The following TGFB2 variants were observed in gnomAD, a reference collection of about 807,000 sequenced individuals.
TGFB2 encodes the protein transforming growth factor beta-2 proprotein.
TGFB2 carries 13 observed loss-of-function variants against 42.7 expected under a neutral mutation model. The ratio of observed to expected loss-of-function variants is 0.30; its 90% CI spans 0.20 to 0.48. The LOEUF (loss-of-function observed/expected upper bound fraction) is 0.48, where lower values mean the gene tolerates loss of function less well. Among genes scored for constraint, TGFB2 ranks in the 20% least tolerant of loss-of-function variants. The pLI is 0.99. For missense variants in TGFB2, 390 were observed against 517.5 expected, an observed-to-expected ratio of 0.75 and a Z score of 2.39; for synonymous variants, 193 against 193.6, an observed-to-expected ratio of 1.00 and a Z score of 0.03.
chr1:218,399,718 G>A (rs1315239579), intron 1 of TGFB2, among the ~76,000 whole-genome samples: 3 of 152,100 alleles, frequency 2.0e-5, no homozygotes, highest in Non-Finnish European at 4.4e-5. Context: ...ATAGCGTCAT[G>A]TATAAACTGC....
chr1:218,419,696 G>A (rs765453009), intron 2 of TGFB2, among the ~76,000 whole-genome samples: 3 of 152,000 alleles, frequency 2.0e-5, no homozygotes, highest in African/African-American at 4.8e-5. Flanking sequence ...TCATTTATTC[G>A]GATTTGGAAA....
intron 1 of TGFB2, among the ~76,000 whole-genome samples, chr1:218,383,731 A>G (rs1658038966): frequency 6.6e-6 from 1 of 152,222 alleles, no homozygotes; most frequent in Non-Finnish European, 1.5e-5. Flanking sequence ...AGATTTGATT[A>G]TATATCCCAT....
chr1:218,438,569 T>C (rs566975756), intron 6 of TGFB2, among the ~76,000 whole-genome samples: 2 of 152,320 alleles, frequency 1.3e-5, no homozygotes, highest in African/African-American at 4.8e-5. Flanking sequence ...ACTTGAAAAT[T>C]CGTTTCTCTA....
At chr1:218,412,283 G>A (rs1212506317) in intron 2 of TGFB2, among the ~76,000 whole-genome samples, 1 of 152,226 alleles carries the variant, frequency 6.6e-6, no homozygotes, top group African/African-American at 2.4e-5. Flanking sequence ...TTGCCAGAAA[G>A]GGAGTTGTGA....
Position 218,443,152 on chromosome 1 carries a change from C to G in TGFB2, c.*1790C>G. On this transcript the variant is annotated 3_prime_UTR_variant, in exon 7 of 7. Coordinates refer to ENST00000366930, the MANE Select transcript of TGFB2 (RefSeq NM_003238.6). ...CAATTTTTCCTATGATCAAAAAATT[C>G]TTTCTTTCCTCTGAGTGAGAGTTAT... is the stretch of plus-strand genomic sequence containing the variant. The G allele has an allele frequency of 6.6e-6, 1 of 152,150 alleles. No individual in the cohort carries two copies. Among genetic ancestry groups the G allele is most frequent in the Non-Finnish European group, 1.5e-5 (1 of 68,002 alleles). The allele number at this position is 152,150 out of a possible 1,614,324, so 9.4% of individuals were successfully genotyped here.
At chr1:218,371,693 T>C (rs1657574928) in intron 1 of TGFB2, among the ~76,000 whole-genome samples, 1 of 152,216 alleles carries the variant, frequency 6.6e-6, no homozygotes, top group South Asian at 2.1e-4. Context: ...GGTCCTGATA[T>C]GTCTGGCAGT....
In TGFB2 at chr1:218,346,981, A is replaced by G; in HGVS notation, c.280A>G (p.Ser94Gly). 1 of 1,613,324 alleles carries G rather than the reference A, an allele frequency of 6.2e-7. No individual in the cohort carries two copies. The highest frequency in any genetic ancestry group is 8.5e-7 in the Non-Finnish European group (1 of 1,179,634). ...GGCGGCCGCCTGCGAGCGCGAGAGG[A>G]GCGACGAAGAGTACTACGCCAAGGA... ...RRAAACERER[S>G]DEEYYAKEVY... Residue 94 changes from serine (S) to glycine (G), a missense_variant, in exon 1 of 7, where the codon AGC becomes GGC. Transcript: ENST00000366930. This position sits in a 1 kb window ranked among gnomAD's most constrained non-coding sequence, Gnocchi z 4.9.
At position 218,441,370 on chromosome 1, in the gene TGFB2, G is replaced by T; in HGVS notation, c.*8G>T. 1 of 1,594,816 alleles carries T rather than the reference G, an allele frequency of 6.3e-7. No individual in the cohort carries two copies. The highest frequency in any genetic ancestry group is 8.5e-7 in the Non-Finnish European group (1 of 1,174,340). On this transcript the variant is annotated 3_prime_UTR_variant, in exon 7 of 7. Transcript: ENST00000366930. Reference sequence around the variant, plus strand: ...TCTTGCAAATGCAGCTAAAATTCTTGGAAAAGTGGCAAGACCAAAATGACA... The same window carrying T: ...TCTTGCAAATGCAGCTAAAATTCTTTGAAAAGTGGCAAGACCAAAATGACA...
intron 1 of TGFB2, among the ~76,000 whole-genome samples, chr1:218,358,548 C>CT (rs34141354): frequency 0.091 from 12,255 of 133,956 alleles, 1,751 homozygotes; most frequent in African/African-American, 0.28. Context: ...ATAGTGAACT[C>CT]TTTTTTTTTT....
At chr1:218,391,736 C>T (rs1164373768) in intron 1 of TGFB2, among the ~76,000 whole-genome samples, 2 of 152,088 alleles carry the variant, frequency 1.3e-5, no homozygotes, top group East Asian at 3.8e-4. Context: ...GTGGAAAAGA[C>T]CAAAGACTTG....
At chr1:218,402,497 C>A (rs1469501510) in intron 1 of TGFB2, among the ~76,000 whole-genome samples, 1 of 151,784 alleles carries the variant, frequency 6.6e-6, no homozygotes, top group South Asian at 2.1e-4. Context: ...TCTGAGGCAG[C>A]CATAAAAAGA....
intron 2 of TGFB2, among the ~76,000 whole-genome samples, chr1:218,418,501 G>C (rs1030336146): frequency 2.0e-5 from 3 of 152,178 alleles, no homozygotes; most frequent in African/African-American, 4.8e-5. Context: ...TCTCAGATGA[G>C]ACTTTGTACT....
chr1:218,377,164 G>A (rs1418573577), intron 1 of TGFB2, among the ~76,000 whole-genome samples: 1 of 152,194 alleles, frequency 6.6e-6, no homozygotes, highest in Non-Finnish European at 1.5e-5. Context: ...GGGATTACAG[G>A]CGTGAGCCAC....
chr1:218,440,475 G>A (rs1344366971), intron 6 of TGFB2, among the ~76,000 whole-genome samples: 2 of 151,940 alleles, frequency 1.3e-5, no homozygotes, highest in African/African-American at 2.4e-5. Flanking sequence ...TGTTGTCCAA[G>A]CTGGTCCTGA....
chr1:218,436,444 A>T (rs938983114), intron 5 of TGFB2, among the ~76,000 whole-genome samples: 1 of 152,198 alleles, frequency 6.6e-6, no homozygotes, highest in Non-Finnish European at 1.5e-5. Flanking sequence ...CAGAACAAAT[A>T]AAAGCTTATT....
intron 2 of TGFB2, among the ~76,000 whole-genome samples, chr1:218,417,621 G>A (rs997648094): frequency 6.6e-6 from 1 of 152,220 alleles, no homozygotes; most frequent in Non-Finnish European, 1.5e-5. Context: ...AAGACAATGG[G>A]AAAAATGTCT....
At position 218,434,067 on chromosome 1, in the gene TGFB2, C is replaced by G; in HGVS notation, c.511-15C>G. ...TGCCAACTCAGCCTTTTCTCTTGCT[C>G]TTTTTCCCCTCCAGATTCTCAAGTC... is the stretch of plus-strand genomic sequence containing the variant. On this transcript the variant is annotated splice_polypyrimidine_tract_variant and intron_variant, in intron 2 of 6. Transcript: ENST00000366930. The G allele has an allele frequency of 6.2e-7, 1 of 1,612,584 alleles. No homozygotes were observed. Among genetic ancestry groups the G allele is most frequent in the South Asian group, 1.1e-5 (1 of 90,990 alleles).
intron 2 of TGFB2, among the ~76,000 whole-genome samples, chr1:218,406,857 G>A (rs941234834): frequency 1.3e-5 from 2 of 152,016 alleles, no homozygotes; most frequent in African/African-American, 4.8e-5. Context: ...AAACCCCTTG[G>A]GATCCCCGTG....
intron 1 of TGFB2, among the ~76,000 whole-genome samples, chr1:218,393,183 G>A (rs528695746): frequency 2.3e-4 from 35 of 152,282 alleles, no homozygotes; most frequent in African/African-American, 7.2e-4. Flanking sequence ...AAGTGCATTC[G>A]TTTCTGGAAA....
Sources: allele counts gnomAD v4.1 joint callset (sites outside exome capture counted in the v4.1 genomes callset), GRCh38; gene constraint gnomAD v4.1.1; non-coding constraint Gnocchi (gnomAD v3.1); transcripts MANE v1.5; gene names NCBI Gene and HGNC (gene_info 2026-07-23, HGNC 2026-07-21).